DCC: variants seen among roughly 807,000 people sequenced by gnomAD.
The protein encoded by DCC is netrin receptor DCC.
DCC carries 58 observed loss-of-function variants against 172.5 expected under a neutral mutation model. The ratio of observed to expected loss-of-function variants is 0.34; its 90% CI spans 0.27 to 0.42. The LOEUF is 0.42. Among genes scored for constraint, DCC ranks in the 10% least tolerant of loss-of-function variants. The pLI, the probability that DCC is intolerant of heterozygous loss-of-function variation, is 1.00. For synonymous variants in DCC, 709 were observed against 644.5 expected (o/e 1.10, Z -1.52); for missense variants, 1,740 against 1,791.0 (o/e 0.97, Z 0.51).
chr18:53,256,163 T>C (rs979908370), intron 12 of DCC, among the ~76,000 whole-genome samples: 1 of 152,198 alleles, frequency 6.6e-6, no homozygotes. Flanking sequence ...TTCTGTAGGT[T>C]GCCTGTTCAC....
At chr18:53,042,254 T>C (rs1397760255) in intron 5 of DCC, among the ~76,000 whole-genome samples, 1 of 152,038 alleles carries the variant, frequency 6.6e-6, no homozygotes, top group Non-Finnish European at 1.5e-5. Context: ...CAGCATCTAT[T>C]GAGATAATCA....
At chr18:52,718,978 G>C (rs527960226) in intron 1 of DCC, among the ~76,000 whole-genome samples, 147 of 152,254 alleles carry the variant, frequency 9.7e-4, no homozygotes, top group African/African-American at 3.5e-3. Flanking sequence ...CAAGATGTCA[G>C]CAGGTCCATT....
chr18:52,936,668 T>A (rs1043701340), intron 5 of DCC, among the ~76,000 whole-genome samples: 1 of 151,562 alleles, frequency 6.6e-6, no homozygotes, highest in Admixed American at 6.6e-5. Context: ...GAATTGACAA[T>A]CTGTGGCTCA....
chr18:53,301,350 A>G (rs2057139652), intron 12 of DCC, among the ~76,000 whole-genome samples: 1 of 151,934 alleles, frequency 6.6e-6, no homozygotes. Flanking sequence ...CGGCCTCCCA[A>G]AGTGCTGGGA....
chr18:52,504,531 G>A (rs151071445), intron 1 of DCC, among the ~76,000 whole-genome samples: 12 of 152,264 alleles, frequency 7.9e-5, no homozygotes, highest in Admixed American at 2.6e-4. Context: ...AAGCACAGTG[G>A]CTGTGGGGTC....
At chr18:53,206,014 AGAAATT>A (rs1376863896) in intron 10 of DCC, among the ~76,000 whole-genome samples, 1 of 144,710 alleles carries the variant, frequency 6.9e-6, no homozygotes, top group African/African-American at 2.5e-5. Flanking sequence ...TGTTAAAAAT[AGAAATT>A]GAGTTTCATA....
At chr18:52,704,277 G>C (rs773218540) in intron 1 of DCC, among the ~76,000 whole-genome samples, 3 of 152,010 alleles carry the variant, frequency 2.0e-5, no homozygotes, top group Non-Finnish European at 4.4e-5. Flanking sequence ...CTTATTATCT[G>C]CTCTGTGCCC....
rs369834301 is a variant in DCC, at chr18:52,448,390, T to C, written c.91+107512T>C. 1.9e-4 allele frequency among the ~76,000 whole-genome samples: 29 copies of C among 152,286 alleles called. No individual in the cohort carries two copies. In the South Asian group the frequency reaches 3.5e-3, roughly 19 times the overall value. ...CCTTGAAGATAGAATAATGCTTTGG[T>C]GAACAGAGCATACATTTTGTTATTA... is the stretch of plus-strand genomic sequence containing the variant. On this transcript the variant is annotated intron_variant, in intron 1 of 28. Transcript: ENST00000442544.
chr18:52,890,871 A>G (rs928079025), intron 2 of DCC, among the ~76,000 whole-genome samples: 1 of 152,104 alleles, frequency 6.6e-6, no homozygotes, highest in Non-Finnish European at 1.5e-5. Flanking sequence ...ATTCAAAGCA[A>G]AGTCATAGAA....
At chr18:52,421,347 C>T (rs1282385970) in intron 1 of DCC, among the ~76,000 whole-genome samples, 1 of 152,166 alleles carries the variant, frequency 6.6e-6, no homozygotes, top group African/African-American at 2.4e-5. Context: ...ATAACGATGG[C>T]AGGTCCGATG....
intron 9 of DCC, among the ~76,000 whole-genome samples, chr18:53,189,168 C>A (rs2055330328): frequency 6.6e-6 from 1 of 151,614 alleles, no homozygotes; most frequent in Non-Finnish European, 1.5e-5. Context: ...TATTTATGTG[C>A]ATGTATATAT....
At chr18:52,612,846 T>C (rs1189030600) in intron 1 of DCC, among the ~76,000 whole-genome samples, 1 of 152,268 alleles carries the variant, frequency 6.6e-6, no homozygotes, top group Non-Finnish European at 1.5e-5. Context: ...CCTGTCTGAA[T>C]GGTTGACCAG....
intron 1 of DCC, among the ~76,000 whole-genome samples, chr18:52,698,551 C>T (rs574884036): frequency 2.0e-4 from 31 of 152,086 alleles, no homozygotes; most frequent in African/African-American, 7.5e-4. Flanking sequence ...TACCATGTTC[C>T]CCACTGTTCC....
intron 1 of DCC, among the ~76,000 whole-genome samples, chr18:52,698,851 C>T (rs918393318): frequency 6.6e-6 from 1 of 150,838 alleles, no homozygotes; most frequent in African/African-American, 2.4e-5. Context: ...CCTCGTGATC[C>T]ACCCACCTTG....
At chr18:52,565,414 A>C (rs1259363135) in intron 1 of DCC, among the ~76,000 whole-genome samples, 1 of 152,178 alleles carries the variant, frequency 6.6e-6, no homozygotes, top group Non-Finnish European at 1.5e-5. Flanking sequence ...AGGAATCGCC[A>C]CACTGTCTTC....
chr18:53,280,282 G>A (rs1053873004), intron 12 of DCC, among the ~76,000 whole-genome samples: 3 of 152,036 alleles, frequency 2.0e-5, no homozygotes, highest in African/African-American at 7.2e-5. Flanking sequence ...CTTTCCCTGT[G>A]TTGGAGATTT....
chr18:52,993,772 G>T (rs1477926668), intron 5 of DCC, among the ~76,000 whole-genome samples: 1 of 151,758 alleles, frequency 6.6e-6, no homozygotes, highest in Non-Finnish European at 1.5e-5. Flanking sequence ...GCGGGAATAA[G>T]TAACTAATAG....
At chr18:52,961,869 A>C (rs1292531757) in intron 5 of DCC, among the ~76,000 whole-genome samples, 3 of 152,146 alleles carry the variant, frequency 2.0e-5, no homozygotes, top group Non-Finnish European at 4.4e-5. Flanking sequence ...AGGATTCCCT[A>C]TTTAATAAAT....
chr18:52,394,988 G>A (rs917381181), intron 1 of DCC, among the ~76,000 whole-genome samples: 4 of 151,990 alleles, frequency 2.6e-5, no homozygotes, highest in East Asian at 1.9e-4. Context: ...CACAGCCTGC[G>A]GGTAAGTCAT....
Sources: allele counts gnomAD v4.1 joint callset (sites outside exome capture counted in the v4.1 genomes callset), GRCh38; gene constraint gnomAD v4.1.1; transcripts MANE v1.5; gene names NCBI Gene and HGNC (gene_info 2026-07-23, HGNC 2026-07-21).